MGST2: variants seen among roughly 807,000 people sequenced by gnomAD.
MGST2 encodes microsomal glutathione S-transferase 2.
A neutral mutation model predicts 16.6 loss-of-function variants in MGST2; 9 were observed. The ratio of observed to expected loss-of-function variants is 0.54; its 90% confidence interval spans 0.33 to 0.95. The LOEUF (loss-of-function observed/expected upper bound fraction) is 0.95. Ranked by LOEUF, MGST2 falls within the 40% of genes least tolerant of loss-of-function variation. The pLI, the probability that MGST2 is intolerant of heterozygous loss-of-function variation, is 0.03. For missense variants in MGST2, 159 were observed against 175.1 expected, an observed-to-expected ratio of 0.91 and a Z score of 0.52; for synonymous variants, 79 against 68.0, an observed-to-expected ratio of 1.16 and a Z score of -0.79.
chr4:139,740,533 A>C (rs1471102459), exon 6 of MGST2: 1 of 152,044 alleles, frequency 6.6e-6, no homozygotes, highest in Non-Finnish European at 1.5e-5. Flanking sequence ...GCTGCTAGGG[A>C]GATTTTTTTC....
At position 139,704,103 on chromosome 4, in the gene MGST2, A is replaced by G; in HGVS notation, c.399A>G (p.Glu133=). The stretch of plus-strand genomic sequence containing the variant: ...GAATTGCAAACAGCTTTCTGGATGA[A>G]TATCTGGACCTCAATATTGCCAAGA... ...ALGIANSFLD[E]YLDLNIAKKL... The change falls in exon 5 of 5, where the codon GAA becomes GAG. Residue 133 remains glutamate (E), a synonymous_variant. Transcript: ENST00000265498. 2 of 1,614,160 alleles carry G rather than the reference A, an allele frequency of 1.2e-6. No homozygotes were observed. The highest frequency in any genetic ancestry group is 1.7e-6 in the Non-Finnish European group (2 of 1,180,030).
downstream of MGST2, among the ~76,000 whole-genome samples, chr4:139,740,993 C>T (rs924817940): frequency 6.6e-6 from 1 of 152,222 alleles, no homozygotes; most frequent in Admixed American, 6.5e-5. Context: ...CTGCCGGTTT[C>T]CCGACTGCTG....
chr4:139,676,592 T>C (rs2110812927), intron 1 of MGST2, among the ~76,000 whole-genome samples: 1 of 152,224 alleles, frequency 6.6e-6, no homozygotes, highest in African/African-American at 2.4e-5. Flanking sequence ...TTAAGGAGGG[T>C]AATCTGCTTT....
chr4:139,730,628 T>A (rs1268149029), intron 5 of MGST2: 1 of 1,613,196 alleles, frequency 6.2e-7, no homozygotes. Context: ...GAGGACTGCA[T>A]GGGGCCTGTG....
At chr4:139,719,727 C>T in intron 5 of MGST2, 1 of 1,613,716 alleles carries the variant, frequency 6.2e-7, no homozygotes. Flanking sequence ...TGGCTCAGTC[C>T]CTGTGGGAAG....
intron 3 of MGST2, among the ~76,000 whole-genome samples, chr4:139,701,507 C>T (rs1328845117): frequency 6.6e-6 from 1 of 152,190 alleles, no homozygotes; most frequent in African/African-American, 2.4e-5. Flanking sequence ...TCCTCTCTCT[C>T]CCATCTCTCT....
chr4:139,724,892 G>A (rs1728402309), intron 5 of MGST2, among the ~76,000 whole-genome samples: 1 of 150,996 alleles, frequency 6.6e-6, no homozygotes. Context: ...CTAAGTAACT[G>A]AGATTACAGG....
chr4:139,744,229 G>C (rs2111028874), downstream of MGST2, among the ~76,000 whole-genome samples: 1 of 152,320 alleles, frequency 6.6e-6, no homozygotes, highest in Middle Eastern at 3.4e-3. Flanking sequence ...CAGGGATCTG[G>C]TTTGAGAACA....
intron 3 of MGST2, among the ~76,000 whole-genome samples, chr4:139,701,478 T>C (rs1727246290): frequency 6.6e-6 from 1 of 152,126 alleles, no homozygotes; most frequent in African/African-American, 2.4e-5. Flanking sequence ...TATACCCCAT[T>C]TTGGCAACCT....
At chr4:139,700,513 G>A (rs1458448782) in intron 3 of MGST2, among the ~76,000 whole-genome samples, 1 of 152,162 alleles carries the variant, frequency 6.6e-6, no homozygotes, top group African/African-American at 2.4e-5. Flanking sequence ...ATGAGGGAGG[G>A]TCTATAATTA....
chr4:139,668,324 G>C (rs1194238102), intron 1 of MGST2, among the ~76,000 whole-genome samples: 1 of 152,142 alleles, frequency 6.6e-6, no homozygotes, highest in Non-Finnish European at 1.5e-5. Flanking sequence ...GCCAGACTCT[G>C]TTAATTCTCT....
chr4:139,720,019 C>T, intron 5 of MGST2: 1 of 1,614,084 alleles, frequency 6.2e-7, no homozygotes, highest in African/African-American at 1.3e-5. Flanking sequence ...TTCCAACCCC[C>T]TGCCCAGAGG....
At chr4:139,746,663 G>A in the MGST2 span, among the ~76,000 whole-genome samples, 8 of 152,176 alleles carry the variant, frequency 5.3e-5, no homozygotes, top group Admixed American at 2.0e-4. Context: ...ACAAGATTCC[G>A]CAGACGTTTG....
At chr4:139,713,689 C>T (rs1386919651) in intron 5 of MGST2, among the ~76,000 whole-genome samples, 1 of 152,150 alleles carries the variant, frequency 6.6e-6, no homozygotes, top group African/African-American at 2.4e-5. Flanking sequence ...CTGACTTTAA[C>T]AATGCCAAGC....
chr4:139,707,876 G>A (rs1727582666), downstream of MGST2, among the ~76,000 whole-genome samples: 1 of 151,774 alleles, frequency 6.6e-6, no homozygotes, highest in Admixed American at 6.6e-5. Flanking sequence ...GTCTGTTCAT[G>A]TCCTTCGCCC....
chr4:139,713,015 T>C (rs931456918), intron 5 of MGST2, among the ~76,000 whole-genome samples: 6 of 152,244 alleles, frequency 3.9e-5, no homozygotes, highest in Non-Finnish European at 5.9e-5. Flanking sequence ...TTCACAGCAG[T>C]ATGCTTTACT....
chr4:139,701,717 A>T (rs996836421), intron 3 of MGST2, among the ~76,000 whole-genome samples: 1 of 152,150 alleles, frequency 6.6e-6, no homozygotes, highest in Non-Finnish European at 1.5e-5. Context: ...CAATCCCAGC[A>T]CTTTGGGAGG....
intron 5 of MGST2, chr4:139,730,441 TGC>T (rs1728655253): frequency 1.0e-5 from 16 of 1,550,030 alleles, no homozygotes; most frequent in African/African-American, 1.4e-5. Context: ...CTGCTGCTGC[TGC>T]TGCTGCTGCT....
At chr4:139,701,968 GAAA>G (rs5862429) in intron 3 of MGST2, among the ~76,000 whole-genome samples, 1 of 146,088 alleles carries the variant, frequency 6.8e-6, no homozygotes, top group Non-Finnish European at 1.5e-5. Flanking sequence ...CCTGTCTCAA[GAAA>G]AAAAAAAAAT....
Sources: allele counts gnomAD v4.1 joint callset (sites outside exome capture counted in the v4.1 genomes callset), GRCh38; gene constraint gnomAD v4.1.1; transcripts MANE v1.5; gene names NCBI Gene and HGNC (gene_info 2026-07-23, HGNC 2026-07-21).